RBKS: variants seen among roughly 807,000 people sequenced by gnomAD.
The protein encoded by RBKS is ribokinase.
Under a neutral mutation model 33.9 loss-of-function variants are expected in RBKS, and 33 were observed. The observed-to-expected ratio is 0.97, with a 90% CI of 0.74 to 1.30. The LOEUF is 1.30. Ranked by LOEUF, RBKS falls within the 50% of genes most tolerant of loss-of-function variation. The pLI is 0.00. For missense variants in RBKS, 361 were observed against 392.6 expected (o/e 0.92, Z 0.68); for synonymous variants, 125 against 143.0 (o/e 0.87, Z 0.90).
chr2:27,817,656 A>G (rs1412263483), intron 7 of RBKS, among the ~76,000 whole-genome samples: 1 of 152,206 alleles, frequency 6.6e-6, no homozygotes, highest in Non-Finnish European at 1.5e-5. Context: ...TATTTCATTT[A>G]ACTGAGGCTG....
chr2:27,861,899 C>G (rs536849477), intron 1 of RBKS, among the ~76,000 whole-genome samples: 7 of 151,484 alleles, frequency 4.6e-5, no homozygotes, highest in Non-Finnish European at 8.8e-5. Flanking sequence ...CCTGCTTCAG[C>G]CTCCCAAAGA....
At chr2:27,783,357 C>T (rs913106106) in intron 7 of RBKS, among the ~76,000 whole-genome samples, 5 of 152,124 alleles carry the variant, frequency 3.3e-5, no homozygotes, top group Admixed American at 6.5e-5. Context: ...TAGAATTAGC[C>T]GTTTCTTCAT....
intron 7 of RBKS, among the ~76,000 whole-genome samples, chr2:27,782,995 T>C (rs766403963): frequency 1.3e-5 from 2 of 152,236 alleles, no homozygotes; most frequent in Non-Finnish European, 2.9e-5. Flanking sequence ...TATGAACTCA[T>C]GGTTGTTTTA....
At chr2:27,791,462 A>G (rs185017414) in intron 7 of RBKS, among the ~76,000 whole-genome samples, 25 of 152,126 alleles carry the variant, frequency 1.6e-4, no homozygotes, top group Non-Finnish European at 1.3e-4. Flanking sequence ...TAGCACATCT[A>G]TGTTCTCCCC....
chr2:27,854,498 G>C (rs1663812579), intron 2 of RBKS, among the ~76,000 whole-genome samples: 1 of 152,204 alleles, frequency 6.6e-6, no homozygotes, highest in African/African-American at 2.4e-5. Context: ...TGCTCTCACT[G>C]CTCATTAGCA....
chr2:27,782,722 A>G (rs750283699), intron 7 of RBKS: 38 of 387,466 alleles, frequency 9.8e-5, no homozygotes, highest in Non-Finnish European at 2.0e-4. Context: ...TCTCCACTGT[A>G]AAGTTACTTT....
At chr2:27,888,239 T>A (rs191610416) in intron 1 of RBKS, among the ~76,000 whole-genome samples, 2 of 152,222 alleles carry the variant, frequency 1.3e-5, no homozygotes, top group Non-Finnish European at 2.9e-5. Context: ...GCAATTCTCC[T>A]GCCTCAGCCT....
At chr2:27,788,036 T>C (rs1228476518) in intron 7 of RBKS, among the ~76,000 whole-genome samples, 3 of 152,200 alleles carry the variant, frequency 2.0e-5, no homozygotes, top group South Asian at 4.1e-4. Context: ...AAATTCTACA[T>C]TCATTCATGA....
At chr2:27,796,859 T>C (rs1447857984) in intron 7 of RBKS, among the ~76,000 whole-genome samples, 3 of 152,156 alleles carry the variant, frequency 2.0e-5, no homozygotes, top group Non-Finnish European at 4.4e-5. Context: ...TGGTTTCTTA[T>C]TTCCCTTCCC....
At chr2:27,840,340 ACACACACACACACACGCGCGCGCG>A (rs888470889) in intron 5 of RBKS, among the ~76,000 whole-genome samples, 12 of 134,690 alleles carry the variant, frequency 8.9e-5, no homozygotes, top group African/African-American at 2.9e-4. Context: ...ACACACACAC[ACACACACACACACACGCGCGCGCG>A]CACACACACA....
At chr2:27,807,656 G>A (rs939965336) in intron 7 of RBKS, among the ~76,000 whole-genome samples, 3 of 152,184 alleles carry the variant, frequency 2.0e-5, no homozygotes, top group Non-Finnish European at 2.9e-5. Flanking sequence ...CCAGGAATGA[G>A]GTACTGTGCC....
intron 6 of RBKS, among the ~76,000 whole-genome samples, chr2:27,831,849 A>G (rs527492797): frequency 7.3e-4 from 111 of 152,264 alleles, no homozygotes; most frequent in African/African-American, 2.4e-3. Flanking sequence ...TGGGAGGTAG[A>G]GGCTGCAGTG....
intron 7 of RBKS, among the ~76,000 whole-genome samples, chr2:27,789,706 A>G (rs1397335478): frequency 6.6e-6 from 1 of 151,916 alleles, no homozygotes; most frequent in African/African-American, 2.4e-5. Flanking sequence ...CTGGGATTAC[A>G]GGCATCTGCC....
chr2:27,814,300 T>A (rs1410404206), intron 7 of RBKS, among the ~76,000 whole-genome samples: 1 of 152,220 alleles, frequency 6.6e-6, no homozygotes, highest in East Asian at 1.9e-4. Context: ...AATATTTTAT[T>A]TCTTAAAACT....
intron 7 of RBKS, among the ~76,000 whole-genome samples, chr2:27,801,408 C>T (rs1408215435): frequency 6.7e-6 from 1 of 149,078 alleles, no homozygotes; most frequent in Non-Finnish European, 1.5e-5. Flanking sequence ...TTCTTGGTGG[C>T]AGTGCGTGAA....
chr2:27,872,609 A>G (rs1345551017), intron 1 of RBKS, among the ~76,000 whole-genome samples: 1 of 152,242 alleles, frequency 6.6e-6, no homozygotes, highest in African/African-American at 2.4e-5. Context: ...AAAGGGAGAA[A>G]AAAGGTTAAA....
intron 7 of RBKS, among the ~76,000 whole-genome samples, chr2:27,802,484 G>A (rs1311240806): frequency 6.6e-6 from 1 of 151,776 alleles, no homozygotes; most frequent in South Asian, 2.1e-4. Context: ...AAAATTTCAC[G>A]GGGGAAGAGG....
intron 1 of RBKS, among the ~76,000 whole-genome samples, chr2:27,887,202 G>T (rs1573084663): frequency 6.6e-6 from 1 of 152,176 alleles, no homozygotes; most frequent in Non-Finnish European, 1.5e-5. Flanking sequence ...ATGTGAGAAA[G>T]ACCTGAACAA....
At chr2:27,866,595 A>C (rs1251230102) in intron 1 of RBKS, among the ~76,000 whole-genome samples, 2 of 152,026 alleles carry the variant, frequency 1.3e-5, no homozygotes, top group Non-Finnish European at 2.9e-5. Context: ...TCTGTGCTTC[A>C]GTTTAGATAA....
Sources: allele counts gnomAD v4.1 joint callset (sites outside exome capture counted in the v4.1 genomes callset), GRCh38; gene constraint gnomAD v4.1.1; transcripts MANE v1.5; gene names NCBI Gene and HGNC (gene_info 2026-07-23, HGNC 2026-07-21).